MSRA: variants seen among roughly 807,000 people sequenced by gnomAD.
MSRA encodes the protein methionine sulfoxide reductase A, also known as mitochondrial peptide methionine sulfoxide reductase.
A neutral mutation model predicts 31.3 loss-of-function variants in MSRA; 54 were observed. The observed-to-expected ratio is 1.73, with a 90% CI of 1.39 to 2.17. MSRA has a LOEUF of 2.17. Ranked by LOEUF, MSRA falls within the 30% of genes most tolerant of loss-of-function variation. The pLI, the probability that MSRA is intolerant of heterozygous loss-of-function variation, is 0.00. For synonymous variants in MSRA, 169 were observed against 116.5 expected (o/e 1.45, Z -2.90); for missense variants, 507 against 300.9 (o/e 1.69, Z -5.07).
intron 5 of MSRA, among the ~76,000 whole-genome samples, chr8:10,336,328 A>T (rs1480247114): frequency 3.9e-5 from 6 of 152,180 alleles, no homozygotes; most frequent in Admixed American, 1.3e-4. Context: ...GTTGACTTAA[A>T]CACTAATATA....
intron 1 of MSRA, among the ~76,000 whole-genome samples, chr8:10,176,558 A>G (rs1013322075): frequency 1.3e-5 from 2 of 152,212 alleles, no homozygotes; most frequent in African/African-American, 2.4e-5. Flanking sequence ...CTTGTGTATC[A>G]TTAGCTCATC....
At chr8:10,319,541 T>C (rs973894348) in intron 4 of MSRA, among the ~76,000 whole-genome samples, 12 of 151,880 alleles carry the variant, frequency 7.9e-5, no homozygotes, top group Non-Finnish European at 1.6e-4. Context: ...GGAAATAATA[T>C]GTATCATAGT....
chr8:10,425,262 C>T (rs574455213), intron 5 of MSRA, among the ~76,000 whole-genome samples: 7 of 152,330 alleles, frequency 4.6e-5, no homozygotes, highest in Admixed American at 4.6e-4. Flanking sequence ...TCCATGAGGT[C>T]CCAGGCCCAG....
chr8:10,369,536 C>G (rs1214239068), intron 5 of MSRA, among the ~76,000 whole-genome samples: 1 of 152,170 alleles, frequency 6.6e-6, no homozygotes, highest in African/African-American at 2.4e-5. Context: ...CTTTAGTTGT[C>G]TTTTGACTTG....
At chr8:10,283,907 G>T (rs1020643054) in intron 3 of MSRA, among the ~76,000 whole-genome samples, 3 of 146,266 alleles carry the variant, frequency 2.1e-5, no homozygotes, top group Non-Finnish European at 4.5e-5. Context: ...ATTGATTGAT[G>T]GGCATTTGGA....
intron 1 of MSRA, among the ~76,000 whole-genome samples, chr8:10,167,148 C>A (rs1163507384): frequency 6.6e-6 from 1 of 152,128 alleles, no homozygotes; most frequent in African/African-American, 2.4e-5. Context: ...CTCTCCCATG[C>A]CAGGAATTAA....
chr8:10,182,728 C>T (rs78517560), intron 1 of MSRA, among the ~76,000 whole-genome samples: 7,566 of 152,178 alleles, frequency 0.05, 590 homozygotes, highest in African/African-American at 0.17. Context: ...TGCTGGCCAT[C>T]GCCTGGAGGC....
At chr8:10,198,371 A>G (rs146296076) in intron 1 of MSRA, among the ~76,000 whole-genome samples, 2 of 151,656 alleles carry the variant, frequency 1.3e-5, no homozygotes, top group Admixed American at 1.3e-4. Context: ...TATTATTATT[A>G]TTTCCTGATG....
chr8:10,253,064 G>T (rs1797999640), intron 3 of MSRA, among the ~76,000 whole-genome samples: 1 of 152,194 alleles, frequency 6.6e-6, no homozygotes, highest in South Asian at 2.1e-4. Flanking sequence ...TTAGACATCA[G>T]AGAGGGTGAG....
chr8:10,233,041 C>T (rs911111329), intron 2 of MSRA, among the ~76,000 whole-genome samples: 1 of 152,186 alleles, frequency 6.6e-6, no homozygotes, highest in Non-Finnish European at 1.5e-5. Flanking sequence ...TTCATTGTGT[C>T]TATGACTTCC....
chr8:10,181,650 G>C (rs1433193748), intron 1 of MSRA, among the ~76,000 whole-genome samples: 2 of 152,180 alleles, frequency 1.3e-5, no homozygotes, highest in Non-Finnish European at 2.9e-5. Flanking sequence ...GGAGCCCAGA[G>C]AGAGGGCAAG....
chr8:10,347,871 T>G (rs995284862), intron 5 of MSRA, among the ~76,000 whole-genome samples: 1 of 152,212 alleles, frequency 6.6e-6, no homozygotes. Flanking sequence ...AAACAATGAC[T>G]GAACATTCCC....
intron 1 of MSRA, among the ~76,000 whole-genome samples, chr8:10,116,493 G>C (rs1010396117): frequency 1.3e-5 from 2 of 152,218 alleles, no homozygotes; most frequent in African/African-American, 4.8e-5. Flanking sequence ...GCGGTACAGA[G>C]AACAAAGAGG....
At chr8:10,101,542 C>T (rs146770866) in intron 1 of MSRA, among the ~76,000 whole-genome samples, 212 of 152,238 alleles carry the variant, frequency 1.4e-3, no homozygotes, top group African/African-American at 4.6e-3. Flanking sequence ...TTCCCTTCCC[C>T]AAACCCCGCA....
intron 1 of MSRA, among the ~76,000 whole-genome samples, chr8:10,109,279 A>G (rs915207362): frequency 3.9e-5 from 6 of 152,102 alleles, no homozygotes; most frequent in Admixed American, 1.3e-4. Context: ...TTTTAAATCA[A>G]TATTAGAGTA....
At chr8:10,253,863 A>C (rs913286192) in intron 3 of MSRA, among the ~76,000 whole-genome samples, 4 of 151,870 alleles carry the variant, frequency 2.6e-5, no homozygotes, top group African/African-American at 4.8e-5. Context: ...TTTTTTTCTA[A>C]GTTACATTAA....
chr8:10,082,519 C>T lies in MSRA; in HGVS notation c.142+27861C>T, dbSNP rs530237420. The stretch of plus-strand genomic sequence containing the variant: ...AAACAGATGGAGCACTTCTTTTTGG[C>T]GTGGGTTCTGGCTAACATCCGTGCA... On this transcript the variant is annotated intron_variant, in intron 1 of 5. Coordinates refer to ENST00000317173, the MANE Select transcript of MSRA (RefSeq NM_012331.5). 3.9e-5 allele frequency among the ~76,000 whole-genome samples: 6 copies of T among 152,250 alleles called. No homozygotes were observed. In the South Asian group the frequency reaches 6.2e-4, roughly 16 times the overall value.
intron 1 of MSRA, among the ~76,000 whole-genome samples, chr8:10,095,298 C>T (rs968600237): frequency 1.3e-5 from 2 of 152,120 alleles, no homozygotes; most frequent in African/African-American, 4.8e-5. Context: ...TGAATGGCTT[C>T]TAGTACTCCA....
At chr8:10,199,306 A>G (rs1322260296) in intron 1 of MSRA, among the ~76,000 whole-genome samples, 2 of 151,944 alleles carry the variant, frequency 1.3e-5, no homozygotes, top group Non-Finnish European at 2.9e-5. Context: ...GGCTCACTCT[A>G]GGCTGGGTTT....
Sources: gnomAD v4.1 joint callset for allele counts (sites outside exome capture counted in the v4.1 genomes callset) on GRCh38, gnomAD v4.1.1 for gene constraint, MANE v1.5 for transcripts, NCBI Gene and HGNC (gene_info 2026-07-23, HGNC 2026-07-21) for gene names.